The following GOLGA2 variants were observed in gnomAD, a reference collection of about 807,000 sequenced individuals.
GOLGA2 encodes the protein golgin A2, also known as golgin subfamily A member 2.
In GOLGA2, 49 loss-of-function variants were observed where a neutral mutation model predicts 148.8. That is an observed-to-expected ratio of 0.33 (90% CI 0.26 to 0.42). The LOEUF (loss-of-function observed/expected upper bound fraction) is 0.42, where lower values mean the gene tolerates loss of function less well. Among genes scored for constraint, GOLGA2 ranks in the 10% least tolerant of loss-of-function variants. GOLGA2 has a pLI of 1.00. For missense variants in GOLGA2, 1,178 were observed against 1,304.6 expected (o/e 0.90, Z 1.49); for synonymous variants, 501 against 511.8 (o/e 0.98, Z 0.28).
chr9:128,264,119 G>T (rs1345112640), intron 12 of GOLGA2, among the ~76,000 whole-genome samples: 2 of 150,382 alleles, frequency 1.3e-5, no homozygotes, highest in Admixed American at 6.6e-5. Flanking sequence ...GAGCCGAGAT[G>T]GTGCCACTGC....
chr9:128,267,200 C>A lies in GOLGA2; in HGVS notation c.636G>T (p.Glu212Asp). ...GACCCCACTGGACTCTTACCAATTT[C>A]TCTATCGTGATATTGAGTTGTTTGT... ...VTNKQLNITI[E>D]KLKQQNQEIT... The change falls in exon 8 of 27, where the codon GAG (glutamate) becomes GAT (aspartate). Residue 212 changes from glutamate (E) to aspartate (D), a missense_variant. Glu to Asp is a conservative substitution (Grantham distance 45). Transcript: ENST00000611957. 6.3e-7 allele frequency: 1 copy of A among 1,580,390 alleles called. No homozygotes were observed. The highest frequency in any genetic ancestry group is 8.7e-7 in the Non-Finnish European group (1 of 1,149,376).
Position 128,260,456 on chromosome 9 carries a change from G to T in GOLGA2, c.1758+9C>A. Reference sequence around the variant, plus strand: ...GAGGAGGGCGGGCTCTCCAGGTGGGGCAGCGCACCAGCTTTACAAATCCGC... The same window carrying T: ...GAGGAGGGCGGGCTCTCCAGGTGGGTCAGCGCACCAGCTTTACAAATCCGC... On this transcript the variant is annotated intron_variant, in intron 18 of 26. Transcript: ENST00000611957. This position sits in a 1 kb window ranked among gnomAD's most constrained non-coding sequence, Gnocchi z 4.8. 6.2e-7 allele frequency: 1 copy of T among 1,601,604 alleles called. No homozygotes were observed.
rs776935882 is a variant in GOLGA2 at position 128,257,693 on chromosome 9, G to A, written c.2626C>T (p.Leu876=). 6 of 1,613,686 alleles carry A rather than the reference G, an allele frequency of 3.7e-6. No homozygotes were observed. The highest frequency in any genetic ancestry group is 5.1e-6 in the Non-Finnish European group (6 of 1,179,698). ...ETDTIGEYIA[L]YQSQRAVLKE... ...AGCACTGCCCTCTGGCTCTGGTACA[G>A]TGCAATGTACTCTCCTGCGGGAGGA... The change falls in exon 25 of 27, where the codon CTG becomes TTG. Residue 876 remains leucine (L), a synonymous_variant. Transcript: ENST00000611957. The surrounding 1 kb of genome is among the most constrained non-coding windows in gnomAD (Gnocchi z 8.0).
At position 128,267,804 on chromosome 9, in the gene GOLGA2, C is replaced by T. The variant is rs112497975; in HGVS notation, c.501+130G>A. 21 of 770,508 alleles carry T rather than the reference C, an allele frequency of 2.7e-5. No homozygotes were observed. The African/African-American group carries it at 2.8e-4, about 10-fold the overall frequency. The allele number at this position is 770,508 out of a possible 1,614,324, so 47.7% of individuals were successfully genotyped here. A position where few individuals can be genotyped will look rare whatever the true frequency, so the allele number is the denominator to read the frequency against. Reference sequence around the variant, plus strand: ...CAAGGGAGAAGGCTCAGGGAAAAGGCGACTTCCTTAACATTGCCCAGCACA... The same window carrying T: ...CAAGGGAGAAGGCTCAGGGAAAAGGTGACTTCCTTAACATTGCCCAGCACA... On this transcript the variant is annotated intron_variant, in intron 6 of 26. Coordinates refer to ENST00000611957, the MANE Select transcript of GOLGA2 (RefSeq NM_001366244.2).
intron 6 of GOLGA2, 65 bp from the exon 7 acceptor site, chr9:128,267,582 G>A (rs192132747): frequency 1.8e-5 from 23 of 1,262,616 alleles, no homozygotes; most frequent in African/African-American, 2.9e-5. Flanking sequence ...CTCTAACTTC[G>A]TTTCTTCCCC....
chr9:128,267,507 C>T lies in GOLGA2; in HGVS notation c.512G>A (p.Cys171Tyr). The change falls in exon 7 of 27, where the codon TGT becomes TAT. Residue 171 changes from cysteine to tyrosine, a missense_variant. By Grantham distance (194) the Cys-to-Tyr change is radical (BLOSUM62 -2). Around this residue, in one of 5 missense-constraint regions of GOLGA2, gnomAD observed 304 missense variants for 404.1 expected, o/e 0.75. Transcript: ENST00000611957. Reference sequence around the variant, plus strand: ...CGATGCAGGGCCCTCCCCATTGACACATGTCGCAGACTATAAGAGACGAGA... The same window carrying T: ...CGATGCAGGGCCCTCCCCATTGACATATGTCGCAGACTATAAGAGACGAGA... ...LNGLVCESAT[C>Y]VNGEGPASSA... The T allele has an allele frequency of 6.2e-7, 1 of 1,612,762 alleles. No individual in the cohort carries two copies. The highest frequency in any genetic ancestry group is 8.5e-7 in the Non-Finnish European group (1 of 1,178,722).
At position 128,257,809 on chromosome 9, in the gene GOLGA2, A is replaced by C. The variant is rs773754024; in HGVS notation, c.2592T>G (p.Ser864=). 3.7e-6 allele frequency: 6 copies of C among 1,614,048 alleles called. No homozygotes were observed. The highest frequency in any genetic ancestry group is 3.3e-5 in the Admixed American group (2 of 60,020). ...EELEHRCIQL[S]GETDTIGEYI... is the part of the protein sequence containing the mutation. The stretch of plus-strand genomic sequence containing the variant: ...ACTCACCAATGGTGTCTGTCTCTCC[A>C]GAAAGCTGGATGCAGCGATGTTCCA... The change falls in exon 24 of 27, where the codon TCT becomes TCG. Residue 864 remains serine (S), a synonymous_variant. Transcript: ENST00000611957. This position sits in a 1 kb window ranked among gnomAD's most constrained non-coding sequence, Gnocchi z 8.0.
intron 14 of GOLGA2, among the ~76,000 whole-genome samples, chr9:128,262,182 G>A (rs998316482): frequency 2.2e-5 from 3 of 137,130 alleles, no homozygotes; most frequent in East Asian, 2.4e-4. Context: ...GCGAGACCCC[G>A]TCTAAAAAAA....
Position 128,266,143 on chromosome 9 carries a change from G to T in GOLGA2, c.682-123C>A, listed in dbSNP as rs139791989. Reference sequence around the variant, plus strand: ...CCACCCATGGGACCAGGTTATCAGGGACCCTGTGGGGATGGGGTGGAATCT... The same window carrying T: ...CCACCCATGGGACCAGGTTATCAGGTACCCTGTGGGGATGGGGTGGAATCT... On this transcript the variant is annotated intron_variant, in intron 9 of 26. Transcript: ENST00000611957. This position sits in a 1 kb window ranked among gnomAD's most constrained non-coding sequence, Gnocchi z 4.2. 2.0e-5 allele frequency: 27 copies of T among 1,365,436 alleles called. No individual in the cohort carries two copies. In the East Asian group the frequency reaches 5.7e-4, roughly 29 times the overall value. 84.6% of individuals were successfully genotyped at this position (1,365,436 alleles called of 1,614,324 possible). A position where few individuals can be genotyped will look rare whatever the true frequency, so the allele number is the denominator to read the frequency against.
chr9:128,260,595 TC>T lies in GOLGA2; in HGVS notation c.1627del (p.Glu543SerfsTer42). On this transcript the variant is annotated frameshift_variant, in exon 18 of 27. Transcript: ENST00000611957. LOFTEE classifies it high-confidence loss of function. This position sits in a 1 kb window ranked among gnomAD's most constrained non-coding sequence, Gnocchi z 4.8. ...ELERAAELWG[E>X]QAEARRQILE... is the part of the protein sequence containing the mutation. ...GATTTGCCTGCGCGCCTCCGCCTGC[TC>T]CCCCCAGAGCTCGGCCGCCCGCTCC... 2 of 1,611,200 alleles carry T rather than the reference TC, an allele frequency of 1.2e-6. No homozygotes were observed.
At chr9:128,264,211 G>A (rs903086601) in intron 12 of GOLGA2, among the ~76,000 whole-genome samples, 22 of 150,420 alleles carry the variant, frequency 1.5e-4, no homozygotes, top group South Asian at 1.1e-3. Flanking sequence ...GAGAGAGAGC[G>A]AATTTATGTA....
Position 128,258,762 on chromosome 9 carries a change from C to T in GOLGA2, c.2174-192G>A, listed in dbSNP as rs374173391. ...ATGCTGCCCAGGTGCAGTCCCACTA[C>T]CGATCAGCATGGGAGTTCTGACCTG... is the stretch of plus-strand genomic sequence containing the variant. On this transcript the variant is annotated intron_variant, in intron 21 of 26. Transcript: ENST00000611957. This position sits in a 1 kb window ranked among gnomAD's most constrained non-coding sequence, Gnocchi z 6.6. 1 of 615,052 alleles carries T rather than the reference C, an allele frequency of 1.6e-6. No homozygotes were observed. The highest frequency in any genetic ancestry group is 2.0e-5 in the South Asian group (1 of 50,032). The allele number at this position is 615,052 out of a possible 1,614,324, so 38.1% of individuals were successfully genotyped here.
intron 4 of GOLGA2, 105 bp downstream of exon 4, chr9:128,268,315 C>T: frequency 2.0e-6 from 2 of 1,021,420 alleles, no homozygotes; most frequent in Non-Finnish European, 3.1e-6. Context: ...CGGCCCGGTC[C>T]CCAGGAAGGG....
intron 19 of GOLGA2, 84 bp from the exon 20 acceptor site, chr9:128,259,475 C>A: frequency 1.2e-6 from 1 of 845,950 alleles, no homozygotes; most frequent in South Asian, 1.6e-5. Context: ...AGGGCTCTGT[C>A]ACCTGCCCAG....
intron 6 of GOLGA2, 31 bp downstream of exon 6, chr9:128,267,903 A>G (rs55671723): frequency 6.6e-6 from 10 of 1,516,490 alleles, no homozygotes; most frequent in African/African-American, 1.4e-5. Context: ...CCTTCCCCCC[A>G]CCCCGCTCTC....
Position 128,262,886 on chromosome 9 carries a change from C to CA in GOLGA2, c.992+147dup, listed in dbSNP as rs1700320298. The stretch of plus-strand genomic sequence containing the variant: ...AGTTACCCAAGGCTACACCATGAGT[C>CA]AGTGGCACAGCTGGCACTAGAGCTT... On this transcript the variant is annotated intron_variant, in intron 13 of 26. Coordinates refer to ENST00000611957, the MANE Select transcript of GOLGA2 (RefSeq NM_001366244.2). The CA allele has an allele frequency of 3.8e-6, 3 of 794,054 alleles. No homozygotes were observed. The African/African-American group carries it at 5.0e-5, about 13-fold the overall frequency. The allele number at this position is 794,054 out of a possible 1,614,324, so 49.2% of individuals were successfully genotyped here. A position where few individuals can be genotyped will look rare whatever the true frequency, so the allele number is the denominator to read the frequency against.
intron 13 of GOLGA2, 63 bp downstream of exon 13, chr9:128,262,971 C>T: frequency 8.8e-7 from 1 of 1,131,600 alleles, no homozygotes; most frequent in Non-Finnish European, 1.3e-6. Context: ...TACCCCCCAC[C>T]TCCCAGCACA....
intron 12 of GOLGA2, among the ~76,000 whole-genome samples, chr9:128,263,510 C>T (rs1204212904): frequency 2.0e-5 from 3 of 152,108 alleles, no homozygotes; most frequent in East Asian, 1.9e-4. Context: ...CTCCGCCTCC[C>T]GGGTTCATGC....
rs1391907591 is a variant in GOLGA2, at chr9:128,258,216, G to A, written c.2290-18C>T. 2 of 1,551,864 alleles carry A rather than the reference G, an allele frequency of 1.3e-6. No homozygotes were observed. Among genetic ancestry groups the A allele is most frequent in the African/African-American group, 1.4e-5 (1 of 73,712 alleles). The stretch of plus-strand genomic sequence containing the variant: ...AATGCCACCTGCAGGCAAGAGGGGT[G>A]CATTCTTGTAGGAGGATATATAGGA... On this transcript the variant is annotated intron_variant, in intron 22 of 26. Transcript: ENST00000611957. This position sits in a 1 kb window ranked among gnomAD's most constrained non-coding sequence, Gnocchi z 6.6.
Sources: allele counts gnomAD v4.1 joint callset (sites outside exome capture counted in the v4.1 genomes callset), GRCh38; gene constraint gnomAD v4.1.1; regional missense constraint gnomAD v4.1.1; non-coding constraint Gnocchi (gnomAD v3.1); transcripts MANE v1.5; gene names NCBI Gene and HGNC (gene_info 2026-07-23, HGNC 2026-07-21).